Variants in LITAF observed in about 807,000 individuals in gnomAD.
The protein encoded by LITAF is lipopolysaccharide induced TNF factor.
LITAF carries 9 observed loss-of-function variants against 14.5 expected under a neutral mutation model. That is an observed-to-expected ratio of 0.62 (90% CI 0.37 to 1.08). The LOEUF (loss-of-function observed/expected upper bound fraction) is 1.08. Among genes scored for constraint, LITAF ranks in the 50% least tolerant of loss-of-function variants. The probability of loss-of-function intolerance (pLI) is 0.01; values close to 1 mark genes in which losing one functional copy is unlikely to be tolerated. For missense variants in LITAF, 206 were observed against 213.4 expected (o/e 0.97, Z 0.22); for synonymous variants, 98 against 88.2 (o/e 1.11, Z -0.62).
Position 11,634,246 on chromosome 16 carries a change from C to A in LITAF, c.-20-609G>T, listed in dbSNP as rs1447418240. 6.6e-6 allele frequency among the ~76,000 whole-genome samples: 1 copy of A among 152,212 alleles called. No homozygotes were observed. Among genetic ancestry groups the A allele is most frequent in the Non-Finnish European group, 1.5e-5 (1 of 68,038 alleles). On this transcript the variant is annotated intron_variant, in intron 2 of 3. Coordinates refer to the LITAF transcript ENST00000574848. The surrounding 1 kb of genome is among the most constrained non-coding windows in gnomAD (Gnocchi z 4.1). Reference sequence around the variant, plus strand: ...CCCCATCTTGCCTTTCACCTCCAAACTGCTCTTCATCATTCCTGGACTTGG... The same window carrying A: ...CCCCATCTTGCCTTTCACCTCCAAAATGCTCTTCATCATTCCTGGACTTGG...
chr16:11,549,282 A>G lies in LITAF; in HGVS notation c.*355T>C. 2.3e-6 allele frequency: 1 copy of G among 441,726 alleles called. No individual in the cohort carries two copies. The highest frequency in any genetic ancestry group is 4.5e-6 in the Non-Finnish European group (1 of 219,932). 27.4% of individuals were successfully genotyped at this position (441,726 alleles called of 1,614,324 possible). ...CTTCTCAGTTTGAGACTGCCACCAG[A>G]AAGGCCCATGGAAGCAGGAAAAAAG... On this transcript the variant is annotated 3_prime_UTR_variant, in exon 4 of 4. Coordinates refer to ENST00000622633, the MANE Select transcript of LITAF (RefSeq NM_001136472.2). This position sits in a 1 kb window ranked among gnomAD's most constrained non-coding sequence, Gnocchi z 4.6.
intron 3 of LITAF, among the ~76,000 whole-genome samples, chr16:11,611,423 G>A (rs1217588559): frequency 6.6e-6 from 1 of 152,136 alleles, no homozygotes; most frequent in Non-Finnish European, 1.5e-5. Context: ...CCTAAATACA[G>A]CATGGGATAT....
chr16:11,638,006 ATATATATCTATATATATCTATATATC>A (rs1567270983), upstream of LITAF, among the ~76,000 whole-genome samples: 6 of 59,862 alleles, frequency 1.0e-4, no homozygotes, highest in African/African-American at 8.6e-4. Context: ...ATATATATCT[ATATATATCTATATATATCTATATATC>A]TATATATATC....
chr16:11,636,191 C>A (rs932404723), intron 1 of LITAF: 3 of 152,102 alleles, frequency 2.0e-5, no homozygotes, highest in African/African-American at 7.2e-5. Context: ...TGTGCTTGCT[C>A]CAGATGGAAT....
At chr16:11,613,366 G>A (rs1056686179) in intron 3 of LITAF, among the ~76,000 whole-genome samples, 9 of 152,308 alleles carry the variant, frequency 5.9e-5, no homozygotes, top group Non-Finnish European at 1.2e-4. Context: ...GACCTCCTGG[G>A]TCACCTGGGG....
upstream of LITAF, among the ~76,000 whole-genome samples, chr16:11,589,196 A>G (rs1567256072): frequency 6.6e-6 from 1 of 152,230 alleles, no homozygotes; most frequent in Non-Finnish European, 1.5e-5. Flanking sequence ...GGGCCACGTG[A>G]TCATCTCAAT....
intron 1 of LITAF, 86 bp from the exon 2 acceptor site, chr16:11,556,821 G>A: frequency 8.5e-7 from 1 of 1,182,180 alleles, no homozygotes; most frequent in Non-Finnish European, 1.2e-6. Context: ...TTTCTTTCTG[G>A]CAAACAGAAA....
chr16:11,558,193 A>G lies in LITAF; in HGVS notation c.-5-1458T>C, dbSNP rs2064304525. Among the ~76,000 whole-genome samples, 1 of 152,194 alleles carries G rather than the reference A, an allele frequency of 6.6e-6. No homozygotes were observed. Among genetic ancestry groups the G allele is most frequent in the Non-Finnish European group, 1.5e-5 (1 of 68,028 alleles). On this transcript the variant is annotated intron_variant, in intron 1 of 3. Coordinates refer to ENST00000622633, the MANE Select transcript of LITAF (RefSeq NM_001136472.2). This position sits in a 1 kb window ranked among gnomAD's most constrained non-coding sequence, Gnocchi z 4.1. ...AATCCCACTGCAGGGAGAAGGGTAG[A>G]GTCCTTCTCAGAAGCCCTGCCTCTA...
chr16:11,609,111 G>T (rs2064969168), intron 3 of LITAF, among the ~76,000 whole-genome samples: 1 of 152,210 alleles, frequency 6.6e-6, no homozygotes, highest in African/African-American at 2.4e-5. Context: ...GATGGCTAAA[G>T]GGGATGAGGT....
At chr16:11,599,883 GT>G (rs2064916763), upstream of LITAF, among the ~76,000 whole-genome samples, 1 of 152,074 alleles carries the variant, frequency 6.6e-6, no homozygotes. Context: ...CTTCAAACCT[GT>G]GCTCAAACAC....
intron 1 of LITAF, among the ~76,000 whole-genome samples, chr16:11,564,268 G>T (rs1360882091): frequency 6.6e-6 from 1 of 152,024 alleles, no homozygotes; most frequent in Admixed American, 6.6e-5. Flanking sequence ...AAGCCACAGT[G>T]TCAGACCCAG....
intron 3 of LITAF, among the ~76,000 whole-genome samples, chr16:11,604,835 A>T (rs2064946716): frequency 6.6e-6 from 1 of 151,416 alleles, no homozygotes; most frequent in Non-Finnish European, 1.5e-5. Flanking sequence ...AGAAAAGTAT[A>T]GACATTTCCA....
chr16:11,614,931 C>G (rs534539490), intron 3 of LITAF, among the ~76,000 whole-genome samples: 1 of 152,340 alleles, frequency 6.6e-6, no homozygotes, highest in South Asian at 2.1e-4. Context: ...GTCATGACAG[C>G]GAATGCATGG....
intron 3 of LITAF, among the ~76,000 whole-genome samples, chr16:11,631,408 G>C (rs1353420559): frequency 6.6e-6 from 1 of 152,108 alleles, no homozygotes; most frequent in African/African-American, 2.4e-5. Context: ...TTTTGTTGTT[G>C]TTGTTGAGAC....
chr16:11,581,711 G>A (rs895512631), intron 1 of LITAF, among the ~76,000 whole-genome samples: 3 of 151,854 alleles, frequency 2.0e-5, no homozygotes, highest in Admixed American at 6.6e-5. Flanking sequence ...TAACTGATGA[G>A]GTGAAAAATA....
intron 3 of LITAF, among the ~76,000 whole-genome samples, chr16:11,551,180 A>C (rs1336617129): frequency 6.6e-6 from 1 of 152,224 alleles, no homozygotes; most frequent in Non-Finnish European, 1.5e-5. Flanking sequence ...AAATATTCTG[A>C]TGAGGAAATT....
chr16:11,584,723 C>T (rs779825214), intron 1 of LITAF, among the ~76,000 whole-genome samples: 15 of 152,260 alleles, frequency 9.9e-5, no homozygotes, highest in East Asian at 5.8e-4. Context: ...CCAGCTTTTT[C>T]GCCGGTGTGT....
At chr16:11,580,204 G>C (rs866374029) in intron 1 of LITAF, among the ~76,000 whole-genome samples, 1 of 151,732 alleles carries the variant, frequency 6.6e-6, no homozygotes. Flanking sequence ...TCAGAGAAGA[G>C]ATACTTGATC....
chr16:11,552,776 T>G (rs1201316632), intron 3 of LITAF, among the ~76,000 whole-genome samples: 2 of 152,102 alleles, frequency 1.3e-5, no homozygotes, highest in African/African-American at 4.8e-5. Flanking sequence ...GGGCCAGGGA[T>G]GCTATTCAAT....
Sources: allele counts gnomAD v4.1 joint callset (sites outside exome capture counted in the v4.1 genomes callset), GRCh38; gene constraint gnomAD v4.1.1; non-coding constraint Gnocchi (gnomAD v3.1); transcripts MANE v1.5; gene names NCBI Gene and HGNC (gene_info 2026-07-23, HGNC 2026-07-21).